TMEM108: variants seen among roughly 807,000 people sequenced by gnomAD.
TMEM108 encodes transmembrane protein 108, also known as cancer/testis antigen 124.
Under a neutral mutation model 35.1 loss-of-function variants are expected in TMEM108, and 12 were observed. The observed-to-expected ratio is 0.34, with a 90% CI of 0.22 to 0.55. The LOEUF (loss-of-function observed/expected upper bound fraction) is 0.55, where lower values mean the gene tolerates loss of function less well. TMEM108 is among the 20% of genes least tolerant of loss of function. The pLI is 0.89. For synonymous variants in TMEM108, 287 were observed against 308.6 expected (o/e 0.93, Z 0.73); for missense variants, 680 against 753.3 (o/e 0.90, Z 1.14).
At chr3:133,176,056 A>T (rs2107796062) in intron 2 of TMEM108, among the ~76,000 whole-genome samples, 1 of 152,362 alleles carries the variant, frequency 6.6e-6, no homozygotes, top group East Asian at 1.9e-4. Flanking sequence ...AAACCAACAA[A>T]GATCAAAAGA....
intron 2 of TMEM108, among the ~76,000 whole-genome samples, chr3:133,173,714 G>A (rs1374699911): frequency 1.3e-5 from 2 of 152,144 alleles, no homozygotes; most frequent in Non-Finnish European, 2.9e-5. Context: ...CCAGGGGGTG[G>A]AGCCAAGATA....
At chr3:133,239,613 T>C (rs1041482962) in intron 3 of TMEM108, among the ~76,000 whole-genome samples, 4 of 152,204 alleles carry the variant, frequency 2.6e-5, no homozygotes, top group Admixed American at 2.6e-4. Flanking sequence ...ATTTAAACAC[T>C]GATCACTGGG....
At chr3:133,365,110 T>C (rs577046385) in intron 3 of TMEM108, among the ~76,000 whole-genome samples, 4 of 152,334 alleles carry the variant, frequency 2.6e-5, no homozygotes, top group Admixed American at 2.0e-4. Context: ...GGGCAATAGC[T>C]GAAGAGAAGT....
chr3:133,250,958 A>C (rs1004789215), intron 3 of TMEM108, among the ~76,000 whole-genome samples: 56 of 152,270 alleles, frequency 3.7e-4, no homozygotes, highest in African/African-American at 1.3e-3. Context: ...AAAATTGTAT[A>C]GCATGTTATC....
intron 3 of TMEM108, among the ~76,000 whole-genome samples, chr3:133,298,422 A>G (rs1304407873): frequency 2.0e-5 from 3 of 152,036 alleles, no homozygotes; most frequent in East Asian, 1.9e-4. Context: ...CAATACAACT[A>G]TGTTTATTTC....
intron 2 of TMEM108, among the ~76,000 whole-genome samples, chr3:133,099,923 C>G (rs1396463902): frequency 6.6e-6 from 1 of 152,218 alleles, no homozygotes; most frequent in African/African-American, 2.4e-5. Flanking sequence ...GCCTGTTACC[C>G]AGTTCCAAAG....
chr3:133,130,376 C>T (rs1452142461), intron 2 of TMEM108, among the ~76,000 whole-genome samples: 1 of 152,216 alleles, frequency 6.6e-6, no homozygotes, highest in Admixed American at 6.5e-5. Flanking sequence ...TCAGCATCAG[C>T]TGGGTTGGCC....
At chr3:133,378,836 G>C (rs944127149) in intron 3 of TMEM108, among the ~76,000 whole-genome samples, 2 of 145,556 alleles carry the variant, frequency 1.4e-5, no homozygotes, top group African/African-American at 5.1e-5. Flanking sequence ...GTTCAAAAGG[G>C]CTCCTTCTAC....
chr3:133,344,801 T>C (rs1315459998), intron 3 of TMEM108, among the ~76,000 whole-genome samples: 1 of 151,852 alleles, frequency 6.6e-6, no homozygotes, highest in African/African-American at 2.4e-5. Context: ...CTACACTTTG[T>C]ACTATACTTT....
At chr3:133,252,431 A>G (rs1946485036) in intron 3 of TMEM108, among the ~76,000 whole-genome samples, 1 of 152,164 alleles carries the variant, frequency 6.6e-6, no homozygotes, top group Non-Finnish European at 1.5e-5. Flanking sequence ...AACTAGGAAA[A>G]CAATAGCATT....
chr3:133,179,852 C>T (rs866448133), intron 2 of TMEM108, among the ~76,000 whole-genome samples: 47 of 148,110 alleles, frequency 3.2e-4, no homozygotes, highest in African/African-American at 1.1e-3. Context: ...AAGACTAGAG[C>T]AAAATGTCTA....
At chr3:133,052,793 T>C (rs1943421065) in intron 2 of TMEM108, among the ~76,000 whole-genome samples, 1 of 152,162 alleles carries the variant, frequency 6.6e-6, no homozygotes, top group African/African-American at 2.4e-5. Context: ...AGAATTTTCC[T>C]GTCTGTTATA....
intron 3 of TMEM108, among the ~76,000 whole-genome samples, chr3:133,263,714 A>G (rs1024494559): frequency 2.0e-5 from 3 of 152,178 alleles, no homozygotes; most frequent in Non-Finnish European, 2.9e-5. Flanking sequence ...TGTAATCAAA[A>G]CTTGCAGGCA....
intron 3 of TMEM108, among the ~76,000 whole-genome samples, chr3:133,376,923 G>A (rs1301364168): frequency 6.6e-6 from 1 of 152,140 alleles, no homozygotes; most frequent in African/African-American, 2.4e-5. Context: ...CCTCACATTT[G>A]AGGAGGATGG....
chr3:133,351,391 C>T (rs2071992797), intron 3 of TMEM108, among the ~76,000 whole-genome samples: 1 of 152,156 alleles, frequency 6.6e-6, no homozygotes. Flanking sequence ...CTTCCTCTCC[C>T]TGCAACTTGC....
At chr3:133,161,212 T>C (rs1025697668) in intron 2 of TMEM108, among the ~76,000 whole-genome samples, 2 of 152,196 alleles carry the variant, frequency 1.3e-5, no homozygotes, top group African/African-American at 4.8e-5. Context: ...AGTACTTGCA[T>C]TGGTACTTGT....
intron 2 of TMEM108, among the ~76,000 whole-genome samples, chr3:133,098,266 A>C (rs1232625465): frequency 1.3e-5 from 2 of 152,192 alleles, no homozygotes; most frequent in Non-Finnish European, 1.5e-5. Context: ...CAGATAAACC[A>C]ATCAGATCTT....
At chr3:133,335,712 T>C (rs932091748) in intron 3 of TMEM108, among the ~76,000 whole-genome samples, 2 of 152,148 alleles carry the variant, frequency 1.3e-5, no homozygotes, top group Non-Finnish European at 2.9e-5. Context: ...AATAACTATC[T>C]ACACCAAAAA....
intron 3 of TMEM108, among the ~76,000 whole-genome samples, chr3:133,364,322 C>G (rs531205348): frequency 2.6e-5 from 4 of 152,296 alleles, no homozygotes; most frequent in Admixed American, 2.0e-4. Context: ...ATAGGCAATG[C>G]TTAGCTCAGA....
Sources: allele counts gnomAD v4.1 joint callset (sites outside exome capture counted in the v4.1 genomes callset), GRCh38; gene constraint gnomAD v4.1.1; transcripts MANE v1.5; gene names NCBI Gene and HGNC (gene_info 2026-07-23, HGNC 2026-07-21).